Variants in ERG observed in about 807,000 individuals in gnomAD.
ERG encodes the protein transcriptional regulator ERG.
In ERG, 9 loss-of-function variants were observed where a neutral mutation model predicts 55.3. The ratio of observed to expected loss-of-function variants is 0.16; its 90% CI spans 0.10 to 0.28. ERG has a LOEUF of 0.28. Among genes scored for constraint, ERG ranks in the 10% least tolerant of loss-of-function variants. The pLI is 1.00. For synonymous variants in ERG, 223 were observed against 237.3 expected (o/e 0.94, Z 0.55); for missense variants, 434 against 631.6 (o/e 0.69, Z 3.35).
chr21:38,650,923 A>G (rs1179597878), intron 1 of ERG, among the ~76,000 whole-genome samples: 3 of 152,250 alleles, frequency 2.0e-5, no homozygotes, highest in African/African-American at 7.2e-5. Flanking sequence ...CTGGGATTCT[A>G]GCACTTTAAG....
At chr21:38,494,926 G>C (rs112241868) in intron 1 of ERG, among the ~76,000 whole-genome samples, 2 of 152,236 alleles carry the variant, frequency 1.3e-5, no homozygotes, top group Non-Finnish European at 2.9e-5. Flanking sequence ...TTTTAAAGTA[G>C]TTGCCTGTAA....
intron 1 of ERG, among the ~76,000 whole-genome samples, chr21:38,636,427 AC>A (rs2060389188): frequency 6.6e-6 from 1 of 152,122 alleles, no homozygotes; most frequent in Admixed American, 6.5e-5. Context: ...AAAAGAGTTC[AC>A]CCTCTGGGGG....
intron 1 of ERG, among the ~76,000 whole-genome samples, chr21:38,487,478 C>T (rs2059297166): frequency 6.6e-6 from 1 of 152,040 alleles, no homozygotes; most frequent in African/African-American, 2.4e-5. Flanking sequence ...TAAAACAATC[C>T]CTAGCCAGGC....
chr21:38,400,326 T>C (rs1322007710), intron 6 of ERG: 1 of 608,132 alleles, frequency 1.6e-6, no homozygotes, highest in Non-Finnish European at 3.1e-6. Flanking sequence ...GATGCCTTCT[T>C]TGCCCATCTG....
intron 3 of ERG, among the ~76,000 whole-genome samples, chr21:38,415,226 T>C (rs1489693276): frequency 1.3e-5 from 2 of 152,218 alleles, no homozygotes; most frequent in African/African-American, 4.8e-5. Context: ...GTTCCTAGTT[T>C]TAGTTTCTTT....
At chr21:38,590,093 T>C (rs1364767001) in intron 1 of ERG, among the ~76,000 whole-genome samples, 1 of 152,202 alleles carries the variant, frequency 6.6e-6, no homozygotes, top group Non-Finnish European at 1.5e-5. Context: ...TAAGAATTAG[T>C]AAATAACTAT....
At chr21:38,482,436 C>G (rs964614549) in intron 1 of ERG, among the ~76,000 whole-genome samples, 6 of 152,108 alleles carry the variant, frequency 3.9e-5, no homozygotes, top group Non-Finnish European at 8.8e-5. Context: ...ATGTTGCAGA[C>G]ACTGTGGAAA....
chr21:38,587,219 T>C (rs1439304497), upstream of ERG, among the ~76,000 whole-genome samples: 1 of 152,220 alleles, frequency 6.6e-6, no homozygotes, highest in Non-Finnish European at 1.5e-5. Context: ...TTAAAGCATT[T>C]ATTTCACTGT....
chr21:38,462,799 T>C (rs2146600060), intron 1 of ERG, among the ~76,000 whole-genome samples: 1 of 152,256 alleles, frequency 6.6e-6, no homozygotes, highest in Middle Eastern at 3.4e-3. Context: ...AGGCTGCCCA[T>C]CATGACCCCC....
chr21:38,512,316 G>C (rs929657515), intron 2 of ERG, among the ~76,000 whole-genome samples: 23 of 152,232 alleles, frequency 1.5e-4, no homozygotes, highest in Non-Finnish European at 2.1e-4. Context: ...ATATTTTGAA[G>C]TATTGGCAAG....
intron 3 of ERG, among the ~76,000 whole-genome samples, chr21:38,414,584 A>G (rs886672925): frequency 3.3e-5 from 5 of 152,216 alleles, no homozygotes; most frequent in Non-Finnish European, 5.9e-5. Flanking sequence ...ATAGCACCAC[A>G]TGAAGTAGGA....
intron 1 of ERG, among the ~76,000 whole-genome samples, chr21:38,465,664 A>G (rs1180590004): frequency 2.0e-5 from 3 of 152,220 alleles, no homozygotes; most frequent in African/African-American, 7.2e-5. Flanking sequence ...CAGCAGGTGT[A>G]TGGAAATCAC....
chr21:38,367,386 G>T, the ERG span, among the ~76,000 whole-genome samples: 2 of 152,198 alleles, frequency 1.3e-5, no homozygotes, highest in East Asian at 3.8e-4. Context: ...CTCTCATGAG[G>T]TTTCAGTTAA....
chr21:38,555,604 A>G (rs2059853768), intron 2 of ERG, among the ~76,000 whole-genome samples: 1 of 152,118 alleles, frequency 6.6e-6, no homozygotes, highest in Admixed American at 6.5e-5. Flanking sequence ...ATATTGAAAT[A>G]TGCACTATGT....
intron 2 of ERG, among the ~76,000 whole-genome samples, chr21:38,531,466 C>T (rs1024916829): frequency 6.6e-6 from 1 of 152,018 alleles, no homozygotes; most frequent in Admixed American, 6.5e-5. Flanking sequence ...TGTAAATAGC[C>T]ATTCCTACTT....
At chr21:38,561,026 T>A (rs1308801700) in intron 2 of ERG, among the ~76,000 whole-genome samples, 2 of 152,256 alleles carry the variant, frequency 1.3e-5, no homozygotes, top group African/African-American at 4.8e-5. Flanking sequence ...ATGTGGGGTT[T>A]TTTTTAATGT....
chr21:38,582,212 G>C (rs895875626), intron 1 of ERG, among the ~76,000 whole-genome samples: 1 of 152,184 alleles, frequency 6.6e-6, no homozygotes, highest in Admixed American at 6.5e-5. Context: ...GCACCTAAAA[G>C]GGGGGTTGTG....
At chr21:38,500,038 G>T (rs977557371), upstream of ERG, among the ~76,000 whole-genome samples, 1 of 134,670 alleles carries the variant, frequency 7.4e-6, no homozygotes, top group Non-Finnish European at 1.7e-5. Context: ...TTAAAATTCT[G>T]TTTCCCCGAA....
At chr21:38,646,897 A>C (rs919965724) in intron 1 of ERG, among the ~76,000 whole-genome samples, 1 of 152,168 alleles carries the variant, frequency 6.6e-6, no homozygotes, top group Non-Finnish European at 1.5e-5. Context: ...CTGCACTGTT[A>C]CATCCAAAGC....
Sources: allele counts gnomAD v4.1 joint callset (sites outside exome capture counted in the v4.1 genomes callset), GRCh38; gene constraint gnomAD v4.1.1; transcripts MANE v1.5; gene names NCBI Gene and HGNC (gene_info 2026-07-23, HGNC 2026-07-21).